ATRNL1: variants seen among roughly 807,000 people sequenced by gnomAD.
ATRNL1 encodes attractin like 1.
Under a neutral mutation model 182.7 loss-of-function variants are expected in ATRNL1, and 95 were observed. That is an observed-to-expected ratio of 0.52 (90% confidence interval 0.44 to 0.62). The LOEUF (loss-of-function observed/expected upper bound fraction) is 0.62, where lower values mean the gene tolerates loss of function less well. ATRNL1 is among the 20% of genes least tolerant of loss of function. The pLI is 0.00. For missense variants in ATRNL1, 1,471 were observed against 1,679.5 expected, an observed-to-expected ratio of 0.88 and a Z score of 2.17; for synonymous variants, 576 against 568.3, an observed-to-expected ratio of 1.01 and a Z score of -0.19.
At chr10:115,397,120 G>T (rs1474813268) in intron 20 of ATRNL1, among the ~76,000 whole-genome samples, 1 of 151,662 alleles carries the variant, frequency 6.6e-6, no homozygotes, top group Admixed American at 6.6e-5. Context: ...GCTATAATCT[G>T]CTTATACCTG....
chr10:115,917,115 G>A (rs1555117489), intron 28 of ATRNL1, among the ~76,000 whole-genome samples: 2 of 152,164 alleles, frequency 1.3e-5, no homozygotes, highest in Non-Finnish European at 2.9e-5. Context: ...GTCTAACTCT[G>A]ACTGCCACTT....
intron 27 of ATRNL1, among the ~76,000 whole-genome samples, chr10:115,743,586 G>A (rs1407096997): frequency 6.6e-6 from 1 of 152,086 alleles, no homozygotes; most frequent in Non-Finnish European, 1.5e-5. Context: ...CTATTCTTGT[G>A]AATAACAGTT....
Position 115,702,751 on chromosome 10 carries a change from A to T in ATRNL1, c.3796-24497A>T, listed in dbSNP as rs539363141. On this transcript the variant is annotated intron_variant, in intron 26 of 28. Transcript: ENST00000355044. The stretch of plus-strand genomic sequence containing the variant: ...CTAACCAAGGAGGTGAAAGATCTCT[A>T]CAAGGAGAACTACAAAACACTGCTG... 2.6e-5 allele frequency among the ~76,000 whole-genome samples: 4 copies of T among 151,966 alleles called. 1 individual carries two copies. Among genetic ancestry groups the T allele is most frequent in the Non-Finnish European group, 5.9e-5 (4 of 67,910 alleles).
At chr10:115,344,367 C>G (rs1009623890) in intron 19 of ATRNL1, among the ~76,000 whole-genome samples, 2 of 152,162 alleles carry the variant, frequency 1.3e-5, no homozygotes, top group East Asian at 3.9e-4. Context: ...CCCACTCTTC[C>G]CTCCCTTTTC....
At chr10:115,473,905 G>A (rs1158416758) in intron 24 of ATRNL1, among the ~76,000 whole-genome samples, 1 of 151,244 alleles carries the variant, frequency 6.6e-6, no homozygotes, top group Non-Finnish European at 1.5e-5. Flanking sequence ...TATCTATGAT[G>A]TCAGTTGTAA....
At chr10:115,405,792 G>A (rs1311630832) in intron 20 of ATRNL1, among the ~76,000 whole-genome samples, 1 of 151,142 alleles carries the variant, frequency 6.6e-6, no homozygotes, top group Non-Finnish European at 1.5e-5. Flanking sequence ...GCTGCACCCA[G>A]TAACTCGTCA....
chr10:115,203,217 T>C (rs1366345283), intron 8 of ATRNL1, among the ~76,000 whole-genome samples: 1 of 152,128 alleles, frequency 6.6e-6, no homozygotes, highest in Non-Finnish European at 1.5e-5. Context: ...TCTACAAGTA[T>C]AAAAGTTTTC....
At chr10:115,923,520 G>T (rs527770311) in intron 28 of ATRNL1, among the ~76,000 whole-genome samples, 1 of 152,166 alleles carries the variant, frequency 6.6e-6, no homozygotes, top group African/African-American at 2.4e-5. Context: ...TTGGTTTTCT[G>T]TTCCTGTGTT....
rs74435812 is a variant in ATRNL1 at position 115,467,243 on chromosome 10, G to A, written c.3487G>A (p.Gly1163Ser). 1.5e-4 allele frequency: 235 copies of A among 1,597,072 alleles called. No homozygotes were observed. The East Asian group carries it at 4.8e-3, about 33-fold the overall frequency. ...NFNLNITWSV[G>S]STAGTISGEE... The stretch of plus-strand genomic sequence containing the variant: ...TAATCTCAACATTACGTGGTCTGTC[G>A]GTTCAACAGGTAAAAAAATGTTGAT... The change falls in exon 23 of 29, where the codon GGT becomes AGT. Residue 1163 changes from glycine to serine, a missense_variant. Coordinates refer to ENST00000355044, the MANE Select transcript of ATRNL1 (RefSeq NM_207303.4).
intron 26 of ATRNL1, among the ~76,000 whole-genome samples, chr10:115,658,827 A>T (rs980689712): frequency 7.2e-5 from 11 of 152,182 alleles, no homozygotes; most frequent in African/African-American, 2.7e-4. Context: ...TGGGTAATTT[A>T]TAAAGGAACA....
chr10:115,816,543 C>T (rs1950169220), intron 27 of ATRNL1, among the ~76,000 whole-genome samples: 1 of 151,990 alleles, frequency 6.6e-6, no homozygotes, highest in African/African-American at 2.4e-5. Context: ...GGGACAGACA[C>T]ATACATATAT....
chr10:115,151,395 C>G (rs149111473), intron 5 of ATRNL1, among the ~76,000 whole-genome samples: 3,665 of 152,252 alleles, frequency 0.024, 59 homozygotes, highest in Admixed American at 0.036. Context: ...TGTTTCCTGA[C>G]TTTTTAATGA....
At chr10:115,409,148 G>A (rs1429945840) in intron 20 of ATRNL1, among the ~76,000 whole-genome samples, 1 of 152,120 alleles carries the variant, frequency 6.6e-6, no homozygotes, top group Non-Finnish European at 1.5e-5. Context: ...CATTCAATCT[G>A]TATAGCTTTG....
chr10:115,842,175 T>TTACTGC (rs1950825221), intron 27 of ATRNL1, among the ~76,000 whole-genome samples: 8 of 152,232 alleles, frequency 5.3e-5, no homozygotes, highest in Admixed American at 3.9e-4. Context: ...TATTCTGTTC[T>TTACTGC]TGTCAAAATA....
At chr10:115,717,878 T>G (rs935488060) in intron 26 of ATRNL1, among the ~76,000 whole-genome samples, 1 of 152,140 alleles carries the variant, frequency 6.6e-6, no homozygotes, top group South Asian at 2.1e-4. Flanking sequence ...CTAGCTTCCT[T>G]TGTTCCATTC....
At chr10:115,334,536 T>C in intron 19 of ATRNL1, 117 bp downstream of exon 19, 1 of 618,274 alleles carries the variant, frequency 1.6e-6, no homozygotes, top group Non-Finnish European at 2.5e-6. Flanking sequence ...TCAGTTTTAG[T>C]ATGTTTTCTA....
At chr10:115,681,237 C>A (rs1241491249) in intron 26 of ATRNL1, among the ~76,000 whole-genome samples, 2 of 152,052 alleles carry the variant, frequency 1.3e-5, no homozygotes, top group Non-Finnish European at 2.9e-5. Context: ...CCTTCTATGT[C>A]ATGTGTTAAT....
intron 9 of ATRNL1, among the ~76,000 whole-genome samples, chr10:115,234,592 CT>C (rs554861467): frequency 2.0e-3 from 261 of 133,796 alleles, no homozygotes; most frequent in Middle Eastern, 7.8e-3. Flanking sequence ...TTTTCTTTTT[CT>C]TTTTTTTTTT....
chr10:115,700,521 T>G (rs1555051206), intron 26 of ATRNL1, among the ~76,000 whole-genome samples: 1 of 152,128 alleles, frequency 6.6e-6, no homozygotes, highest in African/African-American at 2.4e-5. Flanking sequence ...GTTCATGTCT[T>G]TTGCCCACTT....
Sources: gnomAD v4.1 joint callset for allele counts (sites outside exome capture counted in the v4.1 genomes callset) on GRCh38, gnomAD v4.1.1 for gene constraint, MANE v1.5 for transcripts, NCBI Gene and HGNC (gene_info 2026-07-23, HGNC 2026-07-21) for gene names.